The following SERTM2 variants were observed in gnomAD, a reference collection of about 807,000 sequenced individuals.
SERTM2 encodes the protein serine rich and transmembrane domain containing 2.
At chrX:111,514,730 C>A (rs1362773118) in intron 2 of SERTM2, among the ~76,000 whole-genome samples, 1 of 111,735 alleles carries the variant, frequency 8.9e-6, no homozygotes, top group African/African-American at 3.2e-5. Flanking sequence ...AGACTTCCAA[C>A]ATTTTATTTC....
rs1930356025 is a variant in SERTM2 at position 111,518,513 on chromosome X, A to C, written c.-345A>C. 1 of 180,750 alleles carries C rather than the reference A, an allele frequency of 5.5e-6. No individual in the cohort carries two copies. The highest frequency in any genetic ancestry group is 1.0e-5 in the Non-Finnish European group (1 of 97,355). The allele number at this position is 180,750 out of a possible 1,213,427, so 14.9% of individuals were successfully genotyped here. A position where few individuals can be genotyped will look rare whatever the true frequency, so the allele number is the denominator to read the frequency against. On this transcript the variant is annotated 5_prime_UTR_variant, in exon 3 of 3. Transcript: ENST00000569275. ...AATACTCTAAAAGATTCTTGTTCTA[A>C]TAACAGTATTATAAAGCAGTTTCAC...
At chrX:111,516,469 T>A (rs1930312623) in intron 2 of SERTM2, among the ~76,000 whole-genome samples, 1 of 110,252 alleles carries the variant, frequency 9.1e-6, no homozygotes, top group Non-Finnish European at 1.9e-5. Context: ...AATAATTAAC[T>A]CTCAAAGCTC....
At chrX:111,512,444 G>T (rs960431887) in intron 2 of SERTM2, among the ~76,000 whole-genome samples, 10 of 111,863 alleles carry the variant, frequency 8.9e-5, no homozygotes, top group African/African-American at 2.6e-4. Flanking sequence ...TTAACTACTT[G>T]ATGAGATTTC....
chrX:111,514,367 G>A (rs1258006309), intron 2 of SERTM2, among the ~76,000 whole-genome samples: 1 of 111,564 alleles, frequency 9.0e-6, no homozygotes, highest in Non-Finnish European at 1.9e-5. Flanking sequence ...CAAGAATTTT[G>A]TAAGTTACAA....
At chrX:111,515,612 G>A (rs759351880) in intron 2 of SERTM2, among the ~76,000 whole-genome samples, 1 of 111,479 alleles carries the variant, frequency 9.0e-6, no homozygotes, top group Non-Finnish European at 1.9e-5. Context: ...CCCATACAGA[G>A]CTACTGAATC....
chrX:111,519,162 G>T lies in SERTM2; in HGVS notation c.*32G>T, dbSNP rs920852282. On this transcript the variant is annotated 3_prime_UTR_variant, in exon 3 of 3. Transcript: ENST00000569275. The stretch of plus-strand genomic sequence containing the variant: ...GATGAAGGTGAGCTTTAGTGGATCT[G>T]GGTAAACCCTTATATATGGATGTCC... 8 of 295,272 alleles carry T rather than the reference G, an allele frequency of 2.7e-5. No homozygotes were observed. The highest frequency in any genetic ancestry group is 4.1e-5 in the Non-Finnish European group (7 of 169,576). 24.3% of individuals were successfully genotyped at this position (295,272 alleles called of 1,213,427 possible). A position where few individuals can be genotyped will look rare whatever the true frequency, so the allele number is the denominator to read the frequency against.
At chrX:111,512,510 G>T (rs1436110904) in intron 2 of SERTM2, among the ~76,000 whole-genome samples, 2 of 111,450 alleles carry the variant, frequency 1.8e-5, no homozygotes, top group Non-Finnish European at 3.8e-5. Flanking sequence ...TTACCAGTGG[G>T]TTGTTCCCAG....
intron 2 of SERTM2, among the ~76,000 whole-genome samples, chrX:111,517,427 T>A (rs1930333425): frequency 9.0e-6 from 1 of 111,227 alleles, no homozygotes; most frequent in Non-Finnish European, 1.9e-5. Flanking sequence ...TTTTCTTCTA[T>A]CTCTCTTATT....
chrX:111,515,183 A>T (rs1428156411), intron 2 of SERTM2, among the ~76,000 whole-genome samples: 1 of 111,586 alleles, frequency 9.0e-6, no homozygotes, highest in Admixed American at 9.6e-5. Context: ...CTGATTCTGT[A>T]TACTTGGGGT....
intron 2 of SERTM2, among the ~76,000 whole-genome samples, chrX:111,516,182 T>G (rs1261502417): frequency 9.6e-6 from 1 of 104,318 alleles, no homozygotes; most frequent in Admixed American, 1.1e-4. Context: ...TCTGCCTCTG[T>G]CTTCTGCTTG....
chrX:111,515,327 G>A (rs1051870852), intron 2 of SERTM2, among the ~76,000 whole-genome samples: 5 of 111,550 alleles, frequency 4.5e-5, no homozygotes. Flanking sequence ...GAGATACATG[G>A]GTGAAAAATC....
In SERTM2 at chrX:111,520,905, C is replaced by T. The variant is rs1344505735; in HGVS notation, c.*1775C>T. On this transcript the variant is annotated 3_prime_UTR_variant, in exon 3 of 3. Coordinates refer to ENST00000569275, the MANE Select transcript of SERTM2 (RefSeq NM_001354473.2). Reference sequence around the variant, plus strand: ...TGGTCTAAGTTGTGTGTTTATTCAACACCCAGATTCAGTGGACCCTTTAAA... The same window carrying T: ...TGGTCTAAGTTGTGTGTTTATTCAATACCCAGATTCAGTGGACCCTTTAAA... The T allele has an allele frequency of 8.9e-6, 1 of 111,986 alleles. No homozygotes were observed. Among genetic ancestry groups the T allele is most frequent in the Non-Finnish European group, 1.9e-5 (1 of 53,229 alleles). 9.2% of individuals were successfully genotyped at this position (111,986 alleles called of 1,213,427 possible).
At position 111,521,989 on chromosome X, in the gene SERTM2, CTTATGTA is replaced by C. The variant is rs761539294; in HGVS notation, c.*2877_*2883del. ...ACAAAATGAAGTATATTGTAAAAGGCTTATGTATTATGTATTATGTATTAAGTAGGAA... is the reference window on the plus strand; with the variant it reads ...ACAAAATGAAGTATATTGTAAAAGGCTTATGTATTATGTATTAAGTAGGAA... On this transcript the variant is annotated 3_prime_UTR_variant, in exon 3 of 3. Coordinates refer to ENST00000569275, the MANE Select transcript of SERTM2 (RefSeq NM_001354473.2). 4.5e-5 allele frequency: 5 copies of C among 111,268 alleles called. No homozygotes were observed. The highest frequency in any genetic ancestry group is 7.5e-5 in the Non-Finnish European group (4 of 53,047). The allele number at this position is 111,268 out of a possible 1,213,427, so 9.2% of individuals were successfully genotyped here. A position where few individuals can be genotyped will look rare whatever the true frequency, so the allele number is the denominator to read the frequency against.
chrX:111,513,414 C>T (rs1930261525), intron 2 of SERTM2, among the ~76,000 whole-genome samples: 1 of 111,492 alleles, frequency 9.0e-6, no homozygotes, highest in Admixed American at 9.6e-5. Flanking sequence ...CTGCAGGATA[C>T]TAAAATAATT....
chrX:111,515,614 T>A (rs771141111), intron 2 of SERTM2, among the ~76,000 whole-genome samples: 25 of 111,701 alleles, frequency 2.2e-4, no homozygotes, highest in African/African-American at 8.1e-4. Context: ...CATACAGAGC[T>A]ACTGAATCAG....
chrX:111,513,213 T>C (rs1339651499), intron 2 of SERTM2, among the ~76,000 whole-genome samples: 1 of 108,985 alleles, frequency 9.2e-6, no homozygotes, highest in Non-Finnish European at 1.9e-5. Flanking sequence ...CCTCATAGTC[T>C]TTACTCATTT....
At chrX:111,515,056 A>G (rs1165321314) in intron 2 of SERTM2, among the ~76,000 whole-genome samples, 3 of 110,792 alleles carry the variant, frequency 2.7e-5, no homozygotes, top group African/African-American at 9.8e-5. Flanking sequence ...AAGTTGGTAG[A>G]TGTTTGCCCA....
Position 111,518,782 on chromosome X carries a change from C to T in SERTM2, c.-76C>T, listed in dbSNP as rs1247119581. 3.4e-6 allele frequency: 1 copy of T among 294,841 alleles called. No individual in the cohort carries two copies. The highest frequency in any genetic ancestry group is 5.9e-6 in the Non-Finnish European group (1 of 169,516). 24.3% of individuals were successfully genotyped at this position (294,841 alleles called of 1,213,427 possible). ...AGAACACGTCCAATAGATTTAGAGACAGTCTAAGTGACTGTGAAATGCCTC... is the reference window on the plus strand; with the variant it reads ...AGAACACGTCCAATAGATTTAGAGATAGTCTAAGTGACTGTGAAATGCCTC... On this transcript the variant is annotated 5_prime_UTR_variant, in exon 3 of 3. Coordinates refer to ENST00000569275, the MANE Select transcript of SERTM2 (RefSeq NM_001354473.2).
chrX:111,519,051 C>T lies in SERTM2; in HGVS notation c.194C>T (p.Ser65Leu), dbSNP rs1047849628. 4.1e-5 allele frequency: 12 copies of T among 295,370 alleles called. No individual in the cohort carries two copies. In the East Asian group the frequency reaches 4.8e-4, roughly 12 times the overall value. 24.3% of individuals were successfully genotyped at this position (295,370 alleles called of 1,213,427 possible). Residue 65 changes from serine to leucine, a missense_variant, in exon 3 of 3, where the codon TCG becomes TTG. By Grantham distance (145) the Ser-to-Leu change is moderately radical. Coordinates refer to ENST00000569275, the MANE Select transcript of SERTM2 (RefSeq NM_001354473.2). ...CTCCTTCGGCTCAAACATGTCATCT[C>T]GCCCATCAACTCTGACAGCACAGAA... Reference protein sequence around the residue: ...TMLLRLKHVISPINSDSTESV... With the variant: ...TMLLRLKHVILPINSDSTESV...
Sources: allele counts gnomAD v4.1 joint callset (sites outside exome capture counted in the v4.1 genomes callset), GRCh38; gene constraint gnomAD v4.1.1; transcripts MANE v1.5; gene names NCBI Gene and HGNC (gene_info 2026-07-23, HGNC 2026-07-21).